Variants in SPON1 observed in about 807,000 individuals in gnomAD.
SPON1 encodes spondin-1.
A neutral mutation model predicts 111.7 loss-of-function variants in SPON1; 52 were observed. The observed-to-expected ratio is 0.47, with a 90% CI of 0.37 to 0.59. The LOEUF is 0.59. Among genes scored for constraint, SPON1 ranks in the 20% least tolerant of loss-of-function variants. The pLI is 0.00. For missense variants in SPON1, 957 were observed against 1,068.5 expected (o/e 0.90, Z 1.46); for synonymous variants, 410 against 395.8 (o/e 1.04, Z -0.43).
At chr11:14,036,264 GAAAGACGAGAGAGTATAT>G in intron 2 of SPON1, among the ~76,000 whole-genome samples, 1 of 152,324 alleles carries the variant, frequency 6.6e-6, no homozygotes, top group African/African-American at 2.4e-5. Context: ...ACAAATTGGA[GAAAGACGAGAGAGTATAT>G]AAAGACAGTT....
chr11:14,176,098 A>C (rs1000785992), intron 6 of SPON1, among the ~76,000 whole-genome samples: 2 of 152,116 alleles, frequency 1.3e-5, no homozygotes, highest in Admixed American at 6.5e-5. Context: ...CAAAGAGCAG[A>C]CAGGCACTCC....
At chr11:13,975,154 ATC>A (rs1465304601) in intron 1 of SPON1, among the ~76,000 whole-genome samples, 1 of 117,470 alleles carries the variant, frequency 8.5e-6, no homozygotes, top group African/African-American at 2.7e-5. Flanking sequence ...TATAAAAAAT[ATC>A]TGTTGCTATA....
chr11:14,048,486 G>T (rs1554918096), intron 3 of SPON1, among the ~76,000 whole-genome samples: 1 of 152,058 alleles, frequency 6.6e-6, no homozygotes, highest in East Asian at 1.9e-4. Flanking sequence ...AGGAGTGCCG[G>T]GAAGGAAAAT....
chr11:13,981,933 G>C (rs1848147550), intron 1 of SPON1, among the ~76,000 whole-genome samples: 2 of 152,168 alleles, frequency 1.3e-5, no homozygotes, highest in Admixed American at 1.3e-4. Context: ...TGGAAAGCTT[G>C]TACAGGTCAG....
chr11:14,229,163 T>C (rs1008291176), intron 6 of SPON1, among the ~76,000 whole-genome samples: 2 of 152,186 alleles, frequency 1.3e-5, no homozygotes, highest in Non-Finnish European at 2.9e-5. Flanking sequence ...CATGTAATAT[T>C]TGGGAATAAA....
intron 5 of SPON1, among the ~76,000 whole-genome samples, chr11:14,090,199 GAAA>G (rs3047374): frequency 0.28 from 31,330 of 113,252 alleles, 4,406 homozygotes; most frequent in South Asian, 0.42. Context: ...ACTAGGGTAT[GAAA>G]AAAAAAAAAA....
intron 6 of SPON1, among the ~76,000 whole-genome samples, chr11:14,159,896 T>TG (rs1246450562): frequency 7.1e-4 from 1 of 1,410 alleles, no homozygotes; most frequent in African/African-American, 5.6e-3. Flanking sequence ...GGAAGGGTAG[T>TG]GGGGGGTGGG....
chr11:14,267,083 C>A lies in SPON1; in HGVS notation c.*1396C>A, dbSNP rs1167353685. The A allele has an allele frequency of 6.6e-6, 1 of 152,216 alleles. No homozygotes were observed. The highest frequency in any genetic ancestry group is 6.5e-5 in the Admixed American group (1 of 15,274). 9.4% of individuals were successfully genotyped at this position (152,216 alleles called of 1,614,324 possible). A position where few individuals can be genotyped will look rare whatever the true frequency, so the allele number is the denominator to read the frequency against. On this transcript the variant is annotated 3_prime_UTR_variant, in exon 16 of 16. Transcript: ENST00000576479. ...CCAAATGTGTACCATTGGTGAGACACATACAATGCTCTGAATACACTACGA... is the reference window on the plus strand; with the variant it reads ...CCAAATGTGTACCATTGGTGAGACAAATACAATGCTCTGAATACACTACGA...
chr11:13,970,740 C>T (rs1848056854), intron 1 of SPON1, among the ~76,000 whole-genome samples: 1 of 152,186 alleles, frequency 6.6e-6, no homozygotes, highest in South Asian at 2.1e-4. Flanking sequence ...CTTTGCATGG[C>T]TGACTCCTTG....
At chr11:14,064,171 A>C (rs1419552071) in intron 3 of SPON1, among the ~76,000 whole-genome samples, 5 of 152,238 alleles carry the variant, frequency 3.3e-5, no homozygotes, top group African/African-American at 1.2e-4. Context: ...AGGGAATAAC[A>C]AGGTTCCTAC....
intron 5 of SPON1, among the ~76,000 whole-genome samples, chr11:14,122,082 C>A (rs782485606): frequency 6.6e-6 from 1 of 151,652 alleles, no homozygotes; most frequent in Non-Finnish European, 1.5e-5. Flanking sequence ...TGTTTTTATT[C>A]TGTTTGGGGT....
intron 6 of SPON1, among the ~76,000 whole-genome samples, chr11:14,146,150 C>CCTT (rs781959903): frequency 1.5e-5 from 2 of 130,954 alleles, no homozygotes; most frequent in Non-Finnish European, 3.2e-5. Flanking sequence ...AATTACTATA[C>CCTT]TTTTTTTTTT....
intron 2 of SPON1, among the ~76,000 whole-genome samples, chr11:14,007,362 TCCAAGTCCCAAAACTGAAGAACTTGG>T (rs1848370244): frequency 2.0e-5 from 3 of 152,278 alleles, no homozygotes; most frequent in African/African-American, 7.2e-5. Flanking sequence ...GGAGAGCCAG[TCCAAGTCCCAAAACTGAAGAACTTGG>T]AGTCTGATGT....
At chr11:14,032,995 G>A (rs1457991039) in intron 2 of SPON1, among the ~76,000 whole-genome samples, 4 of 152,256 alleles carry the variant, frequency 2.6e-5, no homozygotes, top group South Asian at 2.1e-4. Context: ...AACTTTGGTC[G>A]TGGTGCCTCA....
intron 6 of SPON1, among the ~76,000 whole-genome samples, chr11:14,202,485 G>C (rs1335776464): frequency 3.3e-5 from 5 of 152,182 alleles, no homozygotes; most frequent in Non-Finnish European, 7.3e-5. Context: ...CAGTGGGGAA[G>C]GGAGGAGGAC....
intron 1 of SPON1, among the ~76,000 whole-genome samples, chr11:13,977,463 C>T (rs1218570094): frequency 6.6e-6 from 1 of 152,116 alleles, no homozygotes. Context: ...GTTTATTGGC[C>T]ATTGGGCACC....
At chr11:14,176,002 C>T (rs1554933037) in intron 6 of SPON1, among the ~76,000 whole-genome samples, 2 of 152,142 alleles carry the variant, frequency 1.3e-5, no homozygotes, top group Admixed American at 1.3e-4. Context: ...AAACTTTTTC[C>T]CATTGGTCCC....
At chr11:14,131,276 CTG>C (rs1448462750) in intron 5 of SPON1, among the ~76,000 whole-genome samples, 6 of 152,182 alleles carry the variant, frequency 3.9e-5, no homozygotes, top group Non-Finnish European at 7.3e-5. Flanking sequence ...CTTCCTTGCT[CTG>C]TGAGCTTGGG....
At chr11:14,017,216 A>G (rs1272540608) in intron 2 of SPON1, among the ~76,000 whole-genome samples, 3 of 152,224 alleles carry the variant, frequency 2.0e-5, no homozygotes, top group Non-Finnish European at 4.4e-5. Context: ...TCAGGACCCC[A>G]AAATAATGTC....
Sources: allele counts gnomAD v4.1 joint callset (sites outside exome capture counted in the v4.1 genomes callset), GRCh38; gene constraint gnomAD v4.1.1; transcripts MANE v1.5; gene names NCBI Gene and HGNC (gene_info 2026-07-23, HGNC 2026-07-21).